Variants in CACNA1C observed in about 807,000 individuals in gnomAD.
CACNA1C encodes voltage-dependent L-type calcium channel subunit alpha-1C.
In CACNA1C, 30 loss-of-function variants were observed where a neutral mutation model predicts 229.0. The ratio of observed to expected loss-of-function variants is 0.13; its 90% CI spans 0.10 to 0.18. CACNA1C has a LOEUF of 0.18. CACNA1C is among the 10% of genes least tolerant of loss of function. CACNA1C has a pLI of 1.00. For synonymous variants in CACNA1C, 1,114 were observed against 1,132.5 expected (o/e 0.98, Z 0.33); for missense variants, 1,658 against 2,845.0 (o/e 0.58, Z 9.49).
intron 3 of CACNA1C, among the ~76,000 whole-genome samples, chr12:2,291,199 A>G (rs2093463974): frequency 6.6e-6 from 1 of 152,242 alleles, no homozygotes; most frequent in African/African-American, 2.4e-5. Flanking sequence ...ATTACAACAA[A>G]ACAATAAAAG....
chr12:2,138,310 C>T (rs2093757945), intron 3 of CACNA1C, among the ~76,000 whole-genome samples: 1 of 151,222 alleles, frequency 6.6e-6, no homozygotes, highest in Admixed American at 6.6e-5. Context: ...GCCAGGCCAG[C>T]CTTCACAGGG....
At chr12:2,176,581 G>A (rs951115347) in intron 3 of CACNA1C, among the ~76,000 whole-genome samples, 5 of 142,886 alleles carry the variant, frequency 3.5e-5, no homozygotes, top group African/African-American at 1.0e-4. Context: ...TTGGAGCTGG[G>A]GGGCAGCAAG....
chr12:2,016,425 T>G (rs1333304086), intron 1 of CACNA1C, among the ~76,000 whole-genome samples: 11 of 152,072 alleles, frequency 7.2e-5, no homozygotes, highest in Admixed American at 7.2e-4. Flanking sequence ...GTTTAAAACA[T>G]TTTTCTTTTT....
Position 2,099,368 on chromosome 12 carries a change from A to G in CACNA1C, c.50-15856A>G, listed in dbSNP as rs367898902. ...CTGTCCAGAGCTTAGGCTGGAGTTG[A>G]GACGGCTGCCGAGAGGTGTGCTGAG... On this transcript the variant is annotated intron_variant, in intron 1 of 46. Transcript: ENST00000399655. Among the ~76,000 whole-genome samples, 5 of 152,186 alleles carry G rather than the reference A, an allele frequency of 3.3e-5. 1 individual carries two copies. The highest frequency in any genetic ancestry group is 6.5e-5 in the Admixed American group (1 of 15,296).
At chr12:2,240,488 T>C (rs1285244672) in intron 3 of CACNA1C, among the ~76,000 whole-genome samples, 3 of 152,216 alleles carry the variant, frequency 2.0e-5, no homozygotes, top group Non-Finnish European at 4.4e-5. Context: ...CAAAAGCCAC[T>C]GATAGGGCTC....
rs149376793 is a variant in CACNA1C, at chr12:2,249,157, C to T, written c.477+128727C>T. 2.8e-4 allele frequency among the ~76,000 whole-genome samples: 42 copies of T among 152,294 alleles called. 1 individual carries two copies. Among genetic ancestry groups the T allele is most frequent in the Middle Eastern group, 3.4e-3 (1 of 294 alleles). On this transcript the variant is annotated intron_variant, in intron 3 of 46. Coordinates refer to ENST00000399655, the MANE Select transcript of CACNA1C (RefSeq NM_000719.7). ...AGCCTGCCACTTAACAGCTCTCTGA[C>T]ATTGAGCAAGTTAATTCATGTGACT...
In CACNA1C at chr12:2,287,340, C is replaced by T. The variant is rs1315578587; in HGVS notation, c.478-161636C>T. On this transcript the variant is annotated intron_variant, in intron 3 of 46. Transcript: ENST00000399655. This position sits in a 1 kb window ranked among gnomAD's most constrained non-coding sequence, Gnocchi z 4.6. ...GCCTCATGGAGTGTCGCTGGATACG[C>T]GATCAGTGTCCCTTGAGGCAGTGCT... Among the ~76,000 whole-genome samples, 4 of 152,180 alleles carry T rather than the reference C, an allele frequency of 2.6e-5. No homozygotes were observed. Among genetic ancestry groups the T allele is most frequent in the Admixed American group, 6.5e-5 (1 of 15,278 alleles).
Position 2,560,315 on chromosome 12 carries a change from G to A in CACNA1C, c.1508+3338G>A, listed in dbSNP as rs2046781627. 2.0e-5 allele frequency among the ~76,000 whole-genome samples: 3 copies of A among 152,182 alleles called. No homozygotes were observed. In the South Asian group the frequency reaches 6.2e-4, roughly 31 times the overall value. On this transcript the variant is annotated intron_variant, in intron 11 of 46. Transcript: ENST00000399655. ...AAACAGTTTAACAATTACAGATAAT[G>A]GAATTTGAGTCTCAAACTGGCCTTT...
At chr12:2,256,868 T>C (rs543243542) in intron 3 of CACNA1C, among the ~76,000 whole-genome samples, 1 of 152,336 alleles carries the variant, frequency 6.6e-6, no homozygotes, top group East Asian at 1.9e-4. Context: ...GAAACCAGCA[T>C]GCTACCTTTT....
chr12:2,521,713 C>T (rs560417380), intron 9 of CACNA1C, among the ~76,000 whole-genome samples: 7 of 152,306 alleles, frequency 4.6e-5, no homozygotes, highest in Admixed American at 2.0e-4. Context: ...CTCTTCGCTT[C>T]TTCGCTTGGA....
At position 2,586,574 on chromosome 12, in the gene CACNA1C, A is replaced by C. The variant is rs114757090; in HGVS notation, c.2530+670A>C. Among the ~76,000 whole-genome samples, 295 of 152,318 alleles carry C rather than the reference A, an allele frequency of 1.9e-3. 1 individual carries two copies. Among genetic ancestry groups the C allele is most frequent in the African/African-American group, 7.0e-3 (289 of 41,568 alleles). On this transcript the variant is annotated intron_variant, in intron 18 of 46. Coordinates refer to ENST00000399655, the MANE Select transcript of CACNA1C (RefSeq NM_000719.7). ...CCTCTGACCTAGGATTGCAGATATTATCGCCAGTTTCAAGCTTGAAGTCAA... is the reference window on the plus strand; with the variant it reads ...CCTCTGACCTAGGATTGCAGATATTCTCGCCAGTTTCAAGCTTGAAGTCAA...
At chr12:2,472,153 G>A (rs1203755519) in intron 5 of CACNA1C, among the ~76,000 whole-genome samples, 3 of 152,120 alleles carry the variant, frequency 2.0e-5, no homozygotes, top group African/African-American at 7.2e-5. Flanking sequence ...TAAATGAGAA[G>A]TTTTCAAGTT....
At chr12:2,076,803 T>C (rs980787130) in intron 1 of CACNA1C, among the ~76,000 whole-genome samples, 1 of 152,232 alleles carries the variant, frequency 6.6e-6, no homozygotes, top group Non-Finnish European at 1.5e-5. Flanking sequence ...CGGGTCACCC[T>C]GGTTGGAAGG....
At chr12:1,990,870 C>T (rs921783027) in intron 1 of CACNA1C, among the ~76,000 whole-genome samples, 7 of 151,942 alleles carry the variant, frequency 4.6e-5, no homozygotes, top group Admixed American at 2.6e-4. Context: ...TCTGACAGCA[C>T]CTGTGGTAAA....
rs547488775 is a variant in CACNA1C, at chr12:2,147,702, C to T, written c.477+27272C>T. Among the ~76,000 whole-genome samples the T allele has an allele frequency of 2.3e-4, 33 of 146,046 alleles. 4 individuals are homozygous for T. The South Asian group carries it at 7.0e-3, about 31-fold the overall frequency. Reference sequence around the variant, plus strand: ...ATGTAAAATGAAATTAATGAAAATACGATGGTCAGATTGGAAGGAGAGAAA... The same window carrying T: ...ATGTAAAATGAAATTAATGAAAATATGATGGTCAGATTGGAAGGAGAGAAA... On this transcript the variant is annotated intron_variant, in intron 3 of 46. Coordinates refer to ENST00000399655, the MANE Select transcript of CACNA1C (RefSeq NM_000719.7).
At chr12:2,590,925 A>G (rs568804254) in intron 18 of CACNA1C, among the ~76,000 whole-genome samples, 7 of 152,220 alleles carry the variant, frequency 4.6e-5, no homozygotes, top group Non-Finnish European at 8.8e-5. Flanking sequence ...TTGAAATACC[A>G]TGATTTAGGC....
chr12:2,281,010 G>A (rs932679818), intron 3 of CACNA1C, among the ~76,000 whole-genome samples: 2 of 152,012 alleles, frequency 1.3e-5, no homozygotes, highest in African/African-American at 4.8e-5. Context: ...TGTGCACAAC[G>A]TGCAGGTTAG....
intron 3 of CACNA1C, among the ~76,000 whole-genome samples, chr12:2,395,706 C>A (rs528918078): frequency 1.3e-5 from 2 of 152,158 alleles, no homozygotes; most frequent in Admixed American, 1.3e-4. Context: ...CAGTCTGAGG[C>A]TTCCCATGTA....
At chr12:2,141,606 A>G (rs1460843678) in intron 3 of CACNA1C, among the ~76,000 whole-genome samples, 1 of 151,338 alleles carries the variant, frequency 6.6e-6, no homozygotes, top group Non-Finnish European at 1.5e-5. Flanking sequence ...TGGTCACCCC[A>G]TAAGGGATGC....
Sources: allele counts gnomAD v4.1 joint callset (sites outside exome capture counted in the v4.1 genomes callset), GRCh38; gene constraint gnomAD v4.1.1; non-coding constraint Gnocchi (gnomAD v3.1); transcripts MANE v1.5; gene names NCBI Gene and HGNC (gene_info 2026-07-23, HGNC 2026-07-21).